NWD2: variants seen among roughly 807,000 people sequenced by gnomAD.
NWD2 encodes NACHT and WD repeat domain containing 2, also known as NACHT and WD repeat domain-containing protein 2.
A neutral mutation model predicts 132.7 loss-of-function variants in NWD2; 37 were observed. The ratio of observed to expected loss-of-function variants is 0.28; its 90% CI spans 0.21 to 0.37. NWD2 has a LOEUF of 0.37. Among genes scored for constraint, NWD2 ranks in the 10% least tolerant of loss-of-function variants. The pLI is 1.00. For missense variants in NWD2, 1,592 were observed against 2,122.4 expected, an observed-to-expected ratio of 0.75 and a Z score of 4.91; for synonymous variants, 705 against 803.0, an observed-to-expected ratio of 0.88 and a Z score of 2.06.
chr4:37,333,152 G>A (rs1476633618), intron 2 of NWD2, among the ~76,000 whole-genome samples: 1 of 152,162 alleles, frequency 6.6e-6, no homozygotes, highest in Non-Finnish European at 1.5e-5. Context: ...ACCTGCCAGG[G>A]CTGAGGACAA....
rs1056745576 is a variant in NWD2 at position 37,439,432 on chromosome 4, T to C, written c.1296+42T>C. On this transcript the variant is annotated intron_variant, in intron 6 of 6. Transcript: ENST00000309447. This position sits in a 1 kb window ranked among gnomAD's most constrained non-coding sequence, Gnocchi z 4.5. ...TCCCGTGTATATTTGTAAAAACTTG[T>C]ACTTTTGGAAAATGGTAAATTAATC... 7.9e-7 allele frequency: 1 copy of C among 1,272,944 alleles called. No homozygotes were observed. Among genetic ancestry groups the C allele is most frequent in the Non-Finnish European group, 1.1e-6 (1 of 952,310 alleles). The allele number at this position is 1,272,944 out of a possible 1,614,324, so 78.9% of individuals were successfully genotyped here.
intron 1 of NWD2, among the ~76,000 whole-genome samples, chr4:37,291,406 A>G (rs1718357126): frequency 6.6e-6 from 1 of 152,036 alleles, no homozygotes; most frequent in Admixed American, 6.6e-5. Flanking sequence ...ACCTTTTTGT[A>G]AATTTAATTT....
chr4:37,403,407 G>A (rs1720935498), intron 3 of NWD2, among the ~76,000 whole-genome samples: 1 of 152,082 alleles, frequency 6.6e-6, no homozygotes, highest in Non-Finnish European at 1.5e-5. Context: ...AATTAAAGCA[G>A]CCACATGTGC....
Position 37,420,608 on chromosome 4 carries a change from A to G in NWD2, c.358-9964A>G, listed in dbSNP as rs75193907. Among the ~76,000 whole-genome samples, 130 of 152,300 alleles carry G rather than the reference A, an allele frequency of 8.5e-4. 1 individual carries two copies. The highest frequency in any genetic ancestry group is 1.9e-3 in the African/African-American group (77 of 41,570). On this transcript the variant is annotated intron_variant, in intron 3 of 6. Transcript: ENST00000309447. ...TGAGACAGGAGAATCGCTTGAACCC[A>G]GAAGGTGGAGGTTGCAGTGAGCTGA... is the stretch of plus-strand genomic sequence containing the variant.
rs180921558 is a variant in NWD2 at position 37,357,713 on chromosome 4, C to T, written c.357+1231C>T. ...TGGAAGGGGGAGAGGGCAGGCAAAA[C>T]CCAAATAAGTAAGATAAACAGTAAG... is the stretch of plus-strand genomic sequence containing the variant. On this transcript the variant is annotated intron_variant, in intron 3 of 6. Coordinates refer to ENST00000309447, the MANE Select transcript of NWD2 (RefSeq NM_001144990.2). Among the ~76,000 whole-genome samples the T allele has an allele frequency of 4.5e-4, 69 of 152,072 alleles. 1 individual carries two copies. The East Asian group carries it at 6.8e-3, about 15-fold the overall frequency.
At chr4:37,250,027 G>A (rs770854078) in intron 1 of NWD2, among the ~76,000 whole-genome samples, 4 of 152,238 alleles carry the variant, frequency 2.6e-5, no homozygotes, top group South Asian at 2.1e-4. Context: ...AGAAATTCAC[G>A]TGAAACCTAT....
chr4:37,272,578 T>C (rs189320692), intron 1 of NWD2, among the ~76,000 whole-genome samples: 3 of 151,930 alleles, frequency 2.0e-5, no homozygotes, highest in East Asian at 3.9e-4. Flanking sequence ...TGCATATTCG[T>C]TTTTTATTTT....
Position 37,447,559 on chromosome 4 carries a change from A to T in NWD2, c.*342A>T, listed in dbSNP as rs963244707. 2 of 227,364 alleles carry T rather than the reference A, an allele frequency of 8.8e-6. No individual in the cohort carries two copies. The highest frequency in any genetic ancestry group is 1.7e-5 in the Non-Finnish European group (2 of 114,672). 14.1% of individuals were successfully genotyped at this position (227,364 alleles called of 1,614,324 possible). On this transcript the variant is annotated 3_prime_UTR_variant, in exon 7 of 7. Coordinates refer to ENST00000309447, the MANE Select transcript of NWD2 (RefSeq NM_001144990.2). Reference sequence around the variant, plus strand: ...CTAGAGTTATATACAGATCATTTGGATGGGAATTAGTTCTACAAAAATCAG... The same window carrying T: ...CTAGAGTTATATACAGATCATTTGGTTGGGAATTAGTTCTACAAAAATCAG...
chr4:37,405,208 G>A (rs1238142614), intron 3 of NWD2, among the ~76,000 whole-genome samples: 1 of 152,136 alleles, frequency 6.6e-6, no homozygotes, highest in African/African-American at 2.4e-5. Context: ...TCTTGACTTT[G>A]TAGGTAATTG....
chr4:37,342,436 C>G (rs767426309), intron 2 of NWD2, among the ~76,000 whole-genome samples: 2 of 152,146 alleles, frequency 1.3e-5, no homozygotes, highest in Non-Finnish European at 2.9e-5. Context: ...TATAAACTTC[C>G]CAGTCTCAGG....
intron 1 of NWD2, among the ~76,000 whole-genome samples, chr4:37,322,625 GA>G (rs1167559288): frequency 6.6e-6 from 1 of 152,130 alleles, no homozygotes; most frequent in Non-Finnish European, 1.5e-5. Flanking sequence ...ACAAAGTAGT[GA>G]TGTGATCTGA....
intron 1 of NWD2, among the ~76,000 whole-genome samples, chr4:37,250,962 A>G (rs1019379727): frequency 6.6e-6 from 1 of 152,252 alleles, no homozygotes; most frequent in Non-Finnish European, 1.5e-5. Flanking sequence ...TTGTGTATCT[A>G]GACATACCTA....
At position 37,445,841 on chromosome 4, in the gene NWD2, C is replaced by T; in HGVS notation, c.3853C>T (p.His1285Tyr). Reference protein sequence around the residue: ...GSIVKLVKSSHHNMLLSLSTS... With the variant: ...GSIVKLVKSSYHNMLLSLSTS... ...CATTGTTAAGTTAGTGAAATCCAGT[C>T]ACCACAATATGCTACTGTCTTTATC... Residue 1285 changes from histidine (H) to tyrosine (Y), a missense_variant, in exon 7 of 7, where the codon CAC becomes TAC. By Grantham distance (83) the His-to-Tyr change is moderately conservative. Transcript: ENST00000309447. The surrounding 1 kb of genome is among the most constrained non-coding windows in gnomAD (Gnocchi z 4.7). The T allele has an allele frequency of 6.4e-7, 1 of 1,552,016 alleles. No homozygotes were observed.
chr4:37,294,618 A>G (rs1718439603), intron 1 of NWD2, among the ~76,000 whole-genome samples: 1 of 152,248 alleles, frequency 6.6e-6, no homozygotes. Flanking sequence ...GAAATGGACT[A>G]TGGTTTTGTC....
At chr4:37,401,751 C>T (rs150233265) in intron 3 of NWD2, among the ~76,000 whole-genome samples, 1 of 152,204 alleles carries the variant, frequency 6.6e-6, no homozygotes, top group Non-Finnish European at 1.5e-5. Flanking sequence ...CTTCTGCACA[C>T]CTTTCTGGTT....
intron 1 of NWD2, among the ~76,000 whole-genome samples, chr4:37,315,054 A>G (rs960998345): frequency 2.0e-5 from 3 of 152,172 alleles, no homozygotes; most frequent in Admixed American, 1.3e-4. Context: ...ATATTAGTGT[A>G]TTAGAAGTAT....
At chr4:37,253,401 G>A (rs1182214531) in intron 1 of NWD2, among the ~76,000 whole-genome samples, 1 of 152,216 alleles carries the variant, frequency 6.6e-6, no homozygotes, top group Non-Finnish European at 1.5e-5. Context: ...CCTGTGGCCT[G>A]CTCCAGAAAC....
intron 3 of NWD2, among the ~76,000 whole-genome samples, chr4:37,387,579 A>G (rs1720588598): frequency 6.8e-6 from 1 of 147,992 alleles, no homozygotes; most frequent in Admixed American, 6.8e-5. Flanking sequence ...TTCACCCTCT[A>G]CTGTAGCCTC....
intron 1 of NWD2, among the ~76,000 whole-genome samples, chr4:37,261,326 G>T (rs568260118): frequency 2.6e-4 from 40 of 152,304 alleles, no homozygotes; most frequent in Middle Eastern, 3.4e-3. Context: ...TGATGATACA[G>T]TTAGGAAACA....
Sources: allele counts gnomAD v4.1 joint callset (sites outside exome capture counted in the v4.1 genomes callset), GRCh38; gene constraint gnomAD v4.1.1; non-coding constraint Gnocchi (gnomAD v3.1); transcripts MANE v1.5; gene names NCBI Gene and HGNC (gene_info 2026-07-23, HGNC 2026-07-21).